ZNF365: variants seen among roughly 807,000 people sequenced by gnomAD.
ZNF365 encodes zinc finger protein 365.
In ZNF365, 22 loss-of-function variants were observed where a neutral mutation model predicts 35.0. The ratio of observed to expected loss-of-function variants is 0.63; its 90% CI spans 0.45 to 0.90. ZNF365 has a LOEUF of 0.90. ZNF365 is among the 40% of genes least tolerant of loss of function. The pLI is 0.00. For missense variants in ZNF365, 448 were observed against 500.3 expected (o/e 0.90, Z 1.00); for synonymous variants, 188 against 196.2 (o/e 0.96, Z 0.35).
intron 3 of ZNF365, among the ~76,000 whole-genome samples, chr10:62,410,119 T>C (rs1440177114): frequency 6.6e-6 from 1 of 152,174 alleles, no homozygotes; most frequent in Non-Finnish European, 1.5e-5. Context: ...TTGGTTTACT[T>C]GTTTATTGTC....
At chr10:62,435,263 T>C (rs2132459826) in intron 3 of ZNF365, among the ~76,000 whole-genome samples, 1 of 152,242 alleles carries the variant, frequency 6.6e-6, no homozygotes, top group East Asian at 1.9e-4. Context: ...CCAGGGAGGA[T>C]AAAGGACTGA....
At chr10:62,393,022 A>C (rs1247070631) in intron 3 of ZNF365, among the ~76,000 whole-genome samples, 1 of 147,552 alleles carries the variant, frequency 6.8e-6, no homozygotes. Context: ...TACATTTTTT[A>C]ATTTTTCTGT....
Position 62,479,905 on chromosome 10 carries a change from G to A in ZNF365, c.*9G>A, listed in dbSNP as rs142900182. ...CTGCGATTGTGGAATAATGAACTTC[G>A]AATGATGTGATTCTGGATGAGGACT... is the stretch of plus-strand genomic sequence containing the variant. On this transcript the variant is annotated 3_prime_UTR_variant, in exon 5 of 5. Coordinates refer to the ZNF365 transcript ENST00000395255. 7 of 1,612,976 alleles carry A rather than the reference G, an allele frequency of 4.3e-6. No homozygotes were observed. In the East Asian group the frequency reaches 8.9e-5, roughly 21 times the overall value.
intron 2 of ZNF365, among the ~76,000 whole-genome samples, chr10:62,379,207 A>C (rs989037227): frequency 1.3e-5 from 2 of 151,944 alleles, no homozygotes; most frequent in Non-Finnish European, 2.9e-5. Flanking sequence ...TATTTTTAGT[A>C]GAGACGGGGT....
Position 62,422,104 on chromosome 10 carries a change from T to C in ZNF365, c.924+33528T>C, listed in dbSNP as rs533694162. 5.9e-5 allele frequency among the ~76,000 whole-genome samples: 9 copies of C among 152,228 alleles called. No individual in the cohort carries two copies. The South Asian group carries it at 1.0e-3, about 18-fold the overall frequency. On this transcript the variant is annotated intron_variant, in intron 3 of 4. Coordinates refer to the ZNF365 transcript ENST00000395255. ...TTCTACAGGGCAGCATGTTGGTCCA[T>C]TATATGGATGAGTCATGCTGAGTGG...
chr10:62,408,656 A>T (rs1249944058), intron 3 of ZNF365, among the ~76,000 whole-genome samples: 1 of 152,172 alleles, frequency 6.6e-6, no homozygotes, highest in African/African-American at 2.4e-5. Flanking sequence ...AGAGTGTCAG[A>T]AAACAAATAC....
chr10:62,401,194 A>C lies in ZNF365; in HGVS notation c.*1405A>C, dbSNP rs2132430805. On this transcript the variant is annotated 3_prime_UTR_variant, in exon 5 of 5. Coordinates refer to ENST00000395254, the MANE Select transcript of ZNF365 (RefSeq NM_014951.3). ...TTAAGTATATTAATAATTTATTTTT[A>C]AATACTCATGGAGAAAGTGTGTGTT... 2 of 980,724 alleles carry C rather than the reference A, an allele frequency of 2.0e-6. No individual in the cohort carries two copies. The highest frequency in any genetic ancestry group is 2.4e-6 in the Non-Finnish European group (2 of 825,626). The allele number at this position is 980,724 out of a possible 1,614,324, so 60.8% of individuals were successfully genotyped here.
intron 3 of ZNF365, among the ~76,000 whole-genome samples, chr10:62,414,289 TC>T (rs1840038344): frequency 6.6e-6 from 1 of 151,852 alleles, no homozygotes; most frequent in Non-Finnish European, 1.5e-5. Flanking sequence ...AGCCTCAACC[TC>T]CTGGGCTCAG....
intron 2 of ZNF365, among the ~76,000 whole-genome samples, chr10:62,386,787 C>T (rs1214408688): frequency 6.6e-6 from 1 of 151,920 alleles, no homozygotes; most frequent in Non-Finnish European, 1.5e-5. Context: ...AGTTCTACTC[C>T]CAAGAGAATT....
At chr10:62,387,906 TA>T (rs543284233) in intron 2 of ZNF365, among the ~76,000 whole-genome samples, 291 of 152,262 alleles carry the variant, frequency 1.9e-3, no homozygotes, top group African/African-American at 6.2e-3. Context: ...TCATTTGTAA[TA>T]AAACCAGAAG....
intron 2 of ZNF365, among the ~76,000 whole-genome samples, chr10:62,381,208 G>A (rs1488529839): frequency 6.6e-6 from 1 of 152,232 alleles, no homozygotes; most frequent in Non-Finnish European, 1.5e-5. Context: ...TTGATGGCCA[G>A]AAGAGAGTGA....
chr10:62,450,110 T>TA (rs757628972), intron 3 of ZNF365, among the ~76,000 whole-genome samples: 5 of 150,240 alleles, frequency 3.3e-5, no homozygotes, highest in East Asian at 1.9e-4. Context: ...CCAACTCCAT[T>TA]AAAAAAAAAA....
At chr10:62,404,067 TA>T (rs1480280308), downstream of ZNF365, among the ~76,000 whole-genome samples, 1 of 152,146 alleles carries the variant, frequency 6.6e-6, no homozygotes, top group African/African-American at 2.4e-5. Flanking sequence ...AAGAAAAGAG[TA>T]TTCGAACTAT....
intron 3 of ZNF365, among the ~76,000 whole-genome samples, chr10:62,395,347 CTT>C (rs776080763): frequency 1.4e-5 from 2 of 138,270 alleles, no homozygotes; most frequent in Non-Finnish European, 1.6e-5. Flanking sequence ...CTCTGACACT[CTT>C]TTTTTTTTTT....
chr10:62,479,953 A>T (rs1280165665), exon 5 of ZNF365: 1 of 1,609,544 alleles, frequency 6.2e-7, no homozygotes, highest in African/African-American at 1.3e-5. Context: ...ATCGCAAATT[A>T]ATTGTGCCAG....
intron 3 of ZNF365, among the ~76,000 whole-genome samples, chr10:62,436,838 A>G (rs1564588961): frequency 6.6e-6 from 1 of 152,210 alleles, no homozygotes; most frequent in Non-Finnish European, 1.5e-5. Context: ...TGGTTATGAT[A>G]GTACTGTTTA....
At chr10:62,451,271 C>T (rs1564594873) in intron 3 of ZNF365, among the ~76,000 whole-genome samples, 3 of 152,068 alleles carry the variant, frequency 2.0e-5, no homozygotes, top group Admixed American at 6.6e-5. Context: ...ATTTTCCATC[C>T]TTCTTCAATT....
At chr10:62,387,576 G>A (rs1367721218) in intron 2 of ZNF365, among the ~76,000 whole-genome samples, 2 of 152,096 alleles carry the variant, frequency 1.3e-5, no homozygotes, top group East Asian at 3.8e-4. Flanking sequence ...TGTAGATAAA[G>A]GAGTAGTTGA....
rs768213432 is a variant in ZNF365, at chr10:62,400,704, G to C, written c.*915G>C. 3.1e-5 allele frequency: 31 copies of C among 985,562 alleles called. No individual in the cohort carries two copies. The highest frequency in any genetic ancestry group is 3.7e-5 in the Non-Finnish European group (31 of 830,056). The allele number at this position is 985,562 out of a possible 1,614,324, so 61.1% of individuals were successfully genotyped here. On this transcript the variant is annotated 3_prime_UTR_variant, in exon 5 of 5. Coordinates refer to ENST00000395254, the MANE Select transcript of ZNF365 (RefSeq NM_014951.3). ...GTCGCCAAGCCCTTTCCTAAGACCT[G>C]CTTCCCGGCCAGTGTCAGTGGCCCT...
Sources: gnomAD v4.1 joint callset for allele counts (sites outside exome capture counted in the v4.1 genomes callset) on GRCh38, gnomAD v4.1.1 for gene constraint, MANE v1.5 for transcripts, NCBI Gene and HGNC (gene_info 2026-07-23, HGNC 2026-07-21) for gene names.